The following MED12L variants were observed in gnomAD, a reference collection of about 807,000 sequenced individuals.
MED12L encodes the protein mediator of RNA polymerase II transcription subunit 12-like protein.
In MED12L, 60 loss-of-function variants were observed where a neutral mutation model predicts 281.3. That is an observed-to-expected ratio of 0.21 (90% CI 0.17 to 0.26). The LOEUF is 0.26. MED12L is among the 10% of genes least tolerant of loss of function. MED12L has a pLI of 1.00. For missense variants in MED12L, 2,146 were observed against 2,680.9 expected, an observed-to-expected ratio of 0.80 and a Z score of 4.41; for synonymous variants, 974 against 987.2, an observed-to-expected ratio of 0.99 and a Z score of 0.25.
Position 151,085,877 on chromosome 3 carries a change from T to TGCGGCGGCCGGAGTGACCCC in MED12L, c.-186_-167dup, listed in dbSNP as rs1307184197. On this transcript the variant is annotated 5_prime_UTR_variant, in exon 1 of 45. The change creates a premature stop within an existing upstream ORF in the 5' untranslated region. Transcript: ENST00000687756. ...CCATCCCAACCCGAATGATGGAGGC[T>TGCGGCGGCCGGAGTGACCCC]GCGGCGGCCGGAGTGACCCCGCCGC... The TGCGGCGGCCGGAGTGACCCC allele has an allele frequency of 6.6e-5, 10 of 151,934 alleles. No homozygotes were observed. Among genetic ancestry groups the TGCGGCGGCCGGAGTGACCCC allele is most frequent in the Non-Finnish European group, 1.5e-4 (10 of 67,954 alleles). 9.4% of individuals were successfully genotyped at this position (151,934 alleles called of 1,614,324 possible). A position where few individuals can be genotyped will look rare whatever the true frequency, so the allele number is the denominator to read the frequency against.
chr3:151,154,369 C>T (rs1024467592), intron 5 of MED12L, among the ~76,000 whole-genome samples: 13 of 152,110 alleles, frequency 8.5e-5, no homozygotes, highest in Admixed American at 7.9e-4. Flanking sequence ...TAGAAACATT[C>T]ATGCATACTT....
intron 39 of MED12L, 140 bp downstream of exon 39, chr3:151,395,007 C>T (rs928942518): frequency 9.1e-7 from 1 of 1,103,214 alleles, no homozygotes; most frequent in East Asian, 2.5e-5. Flanking sequence ...CTCTCTGTTA[C>T]AGGCTTGTAA....
intron 5 of MED12L, among the ~76,000 whole-genome samples, chr3:151,155,070 A>G (rs928361556): frequency 5.9e-5 from 9 of 152,244 alleles, no homozygotes; most frequent in Non-Finnish European, 1.3e-4. Context: ...TTTTAAGGGT[A>G]TTTAAAAAGT....
chr3:151,171,140 A>G (rs1721371137), intron 11 of MED12L, among the ~76,000 whole-genome samples: 1 of 152,190 alleles, frequency 6.6e-6, no homozygotes, highest in African/African-American at 2.4e-5. Flanking sequence ...TTAGTGTTTC[A>G]GAGCCATTTC....
At chr3:151,093,678 G>C (rs1251786849) in intron 2 of MED12L, among the ~76,000 whole-genome samples, 1 of 152,224 alleles carries the variant, frequency 6.6e-6, no homozygotes, top group Admixed American at 6.5e-5. Flanking sequence ...TTATAGCAGA[G>C]GAGAGTTTTA....
In MED12L at chr3:151,236,340, T is replaced by C. The variant is rs548975707; in HGVS notation, c.2250+42674T>C. 5.9e-5 allele frequency among the ~76,000 whole-genome samples: 9 copies of C among 152,350 alleles called. No individual in the cohort carries two copies. In the South Asian group the frequency reaches 1.9e-3, roughly 32 times the overall value. ...AATGTGCATAGTAGATTAACATATATAGATATCCTTTTAAATCTCTGGATC... is the reference window on the plus strand; with the variant it reads ...AATGTGCATAGTAGATTAACATATACAGATATCCTTTTAAATCTCTGGATC... On this transcript the variant is annotated intron_variant, in intron 16 of 44. Coordinates refer to ENST00000687756, the MANE Select transcript of MED12L (RefSeq NM_001393769.1).
intron 16 of MED12L, among the ~76,000 whole-genome samples, chr3:151,287,659 A>C (rs1413925981): frequency 1.3e-5 from 2 of 152,150 alleles, no homozygotes; most frequent in Admixed American, 1.3e-4. Flanking sequence ...CGGTTTCTTC[A>C]TCTGTAATAG....
At position 151,263,907 on chromosome 3, in the gene MED12L, G is replaced by A. The variant is rs147445144; in HGVS notation, c.2250+70241G>A. ...TGAAGTCAGTGCAGGGTAAAGTGTG[G>A]CACAGCCTTCAGTTAATGTTAGGAA... On this transcript the variant is annotated intron_variant, in intron 16 of 44. Coordinates refer to ENST00000687756, the MANE Select transcript of MED12L (RefSeq NM_001393769.1). Among the ~76,000 whole-genome samples, 19 of 152,272 alleles carry A rather than the reference G, an allele frequency of 1.2e-4. No homozygotes were observed. In the East Asian group the frequency reaches 3.5e-3, roughly 28 times the overall value.
intron 16 of MED12L, among the ~76,000 whole-genome samples, chr3:151,345,995 G>T (rs1752489873): frequency 6.6e-6 from 1 of 152,066 alleles, no homozygotes; most frequent in Admixed American, 6.5e-5. Flanking sequence ...CCCTTATAGA[G>T]GTTGAGCAGT....
intron 16 of MED12L, among the ~76,000 whole-genome samples, chr3:151,344,980 A>G (rs955759118): frequency 6.6e-6 from 1 of 152,220 alleles, no homozygotes; most frequent in Non-Finnish European, 1.5e-5. Context: ...GCAGACCTCA[A>G]TTCCTTTAAC....
chr3:151,294,157 A>T, intron 16 of MED12L: 1 of 1,460,442 alleles, frequency 6.8e-7, no homozygotes, highest in East Asian at 2.3e-5. Context: ...ATTCCAACAA[A>T]CAATAAAAGG....
intron 16 of MED12L, among the ~76,000 whole-genome samples, chr3:151,325,723 A>G (rs1384786584): frequency 6.6e-6 from 1 of 152,196 alleles, no homozygotes; most frequent in East Asian, 1.9e-4. Flanking sequence ...CTTGGAATTT[A>G]TCTTGAAAGA....
intron 11 of MED12L, among the ~76,000 whole-genome samples, chr3:151,182,756 G>A (rs917606833): frequency 2.0e-5 from 3 of 152,178 alleles, no homozygotes; most frequent in Non-Finnish European, 4.4e-5. Context: ...AAATGTATTT[G>A]AGGGGTAAGA....
intron 16 of MED12L, chr3:151,337,089 T>C (rs1351032006): frequency 2.0e-5 from 3 of 152,114 alleles, no homozygotes; most frequent in Admixed American, 6.6e-5. Flanking sequence ...GTAAAACTAG[T>C]TTCTCTAGAA....
At chr3:151,405,268 T>C (rs929776828) in intron 39 of MED12L, among the ~76,000 whole-genome samples, 2 of 152,198 alleles carry the variant, frequency 1.3e-5, no homozygotes, top group Admixed American at 6.5e-5. Context: ...AAAGAGACCA[T>C]GTGTAGGAAT....
intron 16 of MED12L, among the ~76,000 whole-genome samples, chr3:151,292,819 G>A (rs1377881359): frequency 1.3e-5 from 2 of 152,176 alleles, no homozygotes; most frequent in East Asian, 1.9e-4. Context: ...TACGGAAGCT[G>A]TAATTTACCT....
At chr3:151,123,059 C>G in intron 4 of MED12L, 85 bp downstream of exon 4, 1 of 1,214,854 alleles carries the variant, frequency 8.2e-7, no homozygotes. Context: ...TTGTTTTTCC[C>G]AATTCTTTTT....
At position 151,281,116 on chromosome 3, in the gene MED12L, C is replaced by T. The variant is rs539248546; in HGVS notation, c.2251-68943C>T. Among the ~76,000 whole-genome samples, 10 of 150,930 alleles carry T rather than the reference C, an allele frequency of 6.6e-5. No individual in the cohort carries two copies. The South Asian group carries it at 1.5e-3, about 22-fold the overall frequency. The stretch of plus-strand genomic sequence containing the variant: ...GAAATTAGATATTTTAAACTAGGCA[C>T]GGTGGCTCACGCATGTAATCTCAGC... On this transcript the variant is annotated intron_variant, in intron 16 of 44. Coordinates refer to ENST00000687756, the MANE Select transcript of MED12L (RefSeq NM_001393769.1).
At chr3:151,330,006 T>C (rs1407366332) in intron 16 of MED12L, among the ~76,000 whole-genome samples, 1 of 152,154 alleles carries the variant, frequency 6.6e-6, no homozygotes, top group East Asian at 1.9e-4. Context: ...TCTCTGAGAG[T>C]TAACATGATG....
Sources: gnomAD v4.1 joint callset for allele counts (sites outside exome capture counted in the v4.1 genomes callset) on GRCh38, gnomAD v4.1.1 for gene constraint, MANE v1.5 for transcripts, NCBI Gene and HGNC (gene_info 2026-07-23, HGNC 2026-07-21) for gene names.